Variants in PRDM2 observed in about 807,000 individuals in gnomAD.
The protein encoded by PRDM2 is PR/SET domain 2, also known as PR domain zinc finger protein 2.
In PRDM2, 30 loss-of-function variants were observed where a neutral mutation model predicts 130.0. The observed-to-expected ratio is 0.23, with a 90% CI of 0.17 to 0.31. The LOEUF is 0.31. PRDM2 is among the 10% of genes least tolerant of loss of function. The pLI is 1.00. For synonymous variants in PRDM2, 871 were observed against 782.4 expected, an observed-to-expected ratio of 1.11 and a Z score of -1.89; for missense variants, 2,011 against 2,108.4, an observed-to-expected ratio of 0.95 and a Z score of 0.90.
intron 5 of PRDM2, among the ~76,000 whole-genome samples, chr1:13,743,073 A>G (rs1643494599): frequency 1.3e-5 from 2 of 152,084 alleles, no homozygotes; most frequent in South Asian, 4.1e-4. Flanking sequence ...CAAAGGCCAT[A>G]TCTCCCTCAT....
intron 6 of PRDM2, chr1:13,772,136 A>C (rs911282608): frequency 1.3e-5 from 2 of 152,200 alleles, no homozygotes; most frequent in African/African-American, 2.4e-5. Flanking sequence ...GCGGAGAAAA[A>C]GGAGGATTGT....
intron 2 of PRDM2, among the ~76,000 whole-genome samples, chr1:13,721,600 AT>A (rs1454792141): frequency 6.6e-6 from 1 of 152,184 alleles, no homozygotes; most frequent in African/African-American, 2.4e-5. Flanking sequence ...TACTAGATAA[AT>A]TAGCAAATTT....
At chr1:13,735,326 G>A (rs1643234250) in intron 4 of PRDM2, among the ~76,000 whole-genome samples, 1 of 152,200 alleles carries the variant, frequency 6.6e-6, no homozygotes, top group Admixed American at 6.5e-5. Context: ...ATGAGTTTCT[G>A]GCAGGGAGCC....
chr1:13,747,608 G>T (rs571805773), intron 5 of PRDM2, among the ~76,000 whole-genome samples: 1 of 152,060 alleles, frequency 6.6e-6, no homozygotes, highest in Admixed American at 6.5e-5. Context: ...TTAATTTAAA[G>T]AATTTAGAAT....
chr1:13,790,482 C>T (rs568237710), intron 8 of PRDM2, among the ~76,000 whole-genome samples: 3 of 152,230 alleles, frequency 2.0e-5, no homozygotes, highest in East Asian at 1.9e-4. Context: ...TGTAGTTTCT[C>T]TCTGGCTTAT....
At position 13,732,880 on chromosome 1, in the gene PRDM2, G is replaced by A; in HGVS notation, c.229G>A (p.Glu77Lys). 1 of 1,534,594 alleles carries A rather than the reference G, an allele frequency of 6.5e-7. No homozygotes were observed. The highest frequency in any genetic ancestry group is 8.9e-7 in the Non-Finnish European group (1 of 1,122,252). ...GGTTAAGAATAATGTATACATGTGG[G>A]AGGTAAGAAGTAATTCTGATTCTTT... ...SQVKNNVYMWEVYYPNLGWMC... is the reference protein window; with the variant it reads ...SQVKNNVYMWKVYYPNLGWMC... Residue 77 changes from glutamate to lysine, a missense_variant and splice_region_variant, in exon 4 of 10, where the codon GAG becomes AAG. By Grantham distance (56) the Glu-to-Lys change is moderately conservative. Coordinates refer to ENST00000311066, the MANE Select transcript of PRDM2 (RefSeq NM_001393986.1).
intron 1 of PRDM2, among the ~76,000 whole-genome samples, chr1:13,701,174 C>G (rs1165700113): frequency 2.6e-5 from 4 of 152,166 alleles, no homozygotes; most frequent in Admixed American, 6.5e-5. Flanking sequence ...GTGCTGGCCC[C>G]TCACTTTTCT....
intron 6 of PRDM2, among the ~76,000 whole-genome samples, chr1:13,761,591 T>A (rs535388585): frequency 2.6e-5 from 4 of 152,040 alleles, no homozygotes; most frequent in African/African-American, 9.6e-5. Context: ...AACACAGGAG[T>A]CCCTGACCCC....
intron 9 of PRDM2, among the ~76,000 whole-genome samples, chr1:13,817,176 T>C (rs1181786149): frequency 1.3e-5 from 2 of 152,178 alleles, no homozygotes; most frequent in Admixed American, 6.5e-5. Context: ...GAAATGCTCA[T>C]TGGAGCGTTT....
rs187062046 is a variant in PRDM2, at chr1:13,823,851, C to A, written c.*716C>A. ...GCACCTGGGAGAAAGACTTTGTCCC[C>A]ACTTACAGATCTATCTCCTCCCTTG... On this transcript the variant is annotated 3_prime_UTR_variant, in exon 10 of 10. Coordinates refer to ENST00000311066, the MANE Select transcript of PRDM2 (RefSeq NM_001393986.1). 1 of 152,306 alleles carries A rather than the reference C, an allele frequency of 6.6e-6. No homozygotes were observed. Among genetic ancestry groups the A allele is most frequent in the African/African-American group, 2.4e-5 (1 of 41,412 alleles). 9.4% of individuals were successfully genotyped at this position (152,306 alleles called of 1,614,324 possible). A position where few individuals can be genotyped will look rare whatever the true frequency, so the allele number is the denominator to read the frequency against.
chr1:13,727,003 C>T (rs974623502), intron 2 of PRDM2, among the ~76,000 whole-genome samples: 9 of 152,064 alleles, frequency 5.9e-5, no homozygotes, highest in Non-Finnish European at 1.3e-4. Context: ...GGTAGACAAG[C>T]GAATGGCGAT....
At position 13,780,571 on chromosome 1, in the gene PRDM2, G is replaced by T. The variant is rs754733343; in HGVS notation, c.2776G>T (p.Asp926Tyr). Residue 926 changes from aspartate to tyrosine, a missense_variant, in exon 8 of 10, where the codon GAC becomes TAC. This residue lies in a region of PRDM2 where 1,288 missense variants were observed against 1,237.7 expected (regional missense o/e 1.04). Coordinates refer to ENST00000311066, the MANE Select transcript of PRDM2 (RefSeq NM_001393986.1). ...ATCCCTAGAAGCTCAGCCAGATCCTGACCTCGGTCCGGGCTCTGGTTTCCC... is the reference window on the plus strand; with the variant it reads ...ATCCCTAGAAGCTCAGCCAGATCCTTACCTCGGTCCGGGCTCTGGTTTCCC... ...CKSLEAQPDP[D>Y]LGPGSGFPAP... is the part of the protein sequence containing the mutation. 44 of 1,614,014 alleles carry T rather than the reference G, an allele frequency of 2.7e-5. No individual in the cohort carries two copies. The highest frequency in any genetic ancestry group is 3.7e-5 in the Non-Finnish European group (44 of 1,180,040).
chr1:13,782,922 T>TG (rs1644651024), intron 8 of PRDM2, 91 bp downstream of exon 8: 19 of 1,577,932 alleles, frequency 1.2e-5, no homozygotes, highest in Non-Finnish European at 1.6e-5. Context: ...GCTTTTTTTT[T>TG]TTTTTTTCCC....
rs573340184 is a variant in PRDM2, at chr1:13,700,235, G to C, written c.-131G>C. Reference sequence around the variant, plus strand: ...GCGGCGGCGCGGCCGCGGGCGCCGGGGCCGGCGAAACAGCGGCGGCGGCGG... The same window carrying C: ...GCGGCGGCGCGGCCGCGGGCGCCGGCGCCGGCGAAACAGCGGCGGCGGCGG... On this transcript the variant is annotated 5_prime_UTR_variant, in exon 1 of 10. Coordinates refer to ENST00000311066, the MANE Select transcript of PRDM2 (RefSeq NM_001393986.1). The C allele has an allele frequency of 6.6e-6, 1 of 152,480 alleles. No homozygotes were observed. Among genetic ancestry groups the C allele is most frequent in the African/African-American group, 2.4e-5 (1 of 41,270 alleles). The allele number at this position is 152,480 out of a possible 1,614,324, so 9.4% of individuals were successfully genotyped here.
chr1:13,779,846 G>A lies in PRDM2; in HGVS notation c.2051G>A (p.Ser684Asn). Residue 684 changes from serine (S) to asparagine (N), a missense_variant, in exon 8 of 10, where the codon AGT becomes AAT. Ser to Asn is a conservative substitution (Grantham distance 46). This residue lies in a region of PRDM2 where 1,288 missense variants were observed against 1,237.7 expected (regional missense o/e 1.04). Transcript: ENST00000311066. This position sits in a 1 kb window ranked among gnomAD's most constrained non-coding sequence, Gnocchi z 4.9. ...GCAGTGTCTTTCCACAAAGAGAAAA[G>A]TGTTTATTTGTCATCAAAGCTCAAA... Reference protein sequence around the residue: ...TEAVSFHKEKSVYLSSKLKQL... With the variant: ...TEAVSFHKEKNVYLSSKLKQL... The A allele has an allele frequency of 1.2e-6, 2 of 1,614,164 alleles. No homozygotes were observed. Among genetic ancestry groups the A allele is most frequent in the South Asian group, 2.2e-5 (2 of 91,086 alleles).
intron 8 of PRDM2, among the ~76,000 whole-genome samples, chr1:13,812,301 C>T (rs532393112): frequency 6.4e-4 from 93 of 144,294 alleles, no homozygotes; most frequent in African/African-American, 2.1e-3. Flanking sequence ...TTAAGGGACC[C>T]GGAGATGGAT....
Position 13,780,584 on chromosome 1 carries a change from G to T in PRDM2, c.2789G>T (p.Gly930Val), listed in dbSNP as rs770203174. 5.6e-6 allele frequency: 9 copies of T among 1,613,936 alleles called. No individual in the cohort carries two copies. The highest frequency in any genetic ancestry group is 7.6e-6 in the Non-Finnish European group (9 of 1,180,020). The change falls in exon 8 of 10, where the codon GGC (glycine) becomes GTC (valine). Residue 930 changes from glycine to valine, a missense_variant. Physicochemically the swap from Gly to Val is moderately radical, Grantham distance 109. Coordinates refer to ENST00000311066, the MANE Select transcript of PRDM2 (RefSeq NM_001393986.1). ...EAQPDPDLGP[G>V]SGFPAPTVES... is the part of the protein sequence containing the mutation. ...CAGCCAGATCCTGACCTCGGTCCGG[G>T]CTCTGGTTTCCCTGCCCCTACTGTT...
intron 4 of PRDM2, among the ~76,000 whole-genome samples, chr1:13,738,366 A>G (rs1408692445): frequency 6.6e-6 from 1 of 152,236 alleles, no homozygotes; most frequent in Non-Finnish European, 1.5e-5. Context: ...TGTGGTTCAT[A>G]GATAGAATTT....
At chr1:13,786,078 TC>T in intron 8 of PRDM2, among the ~76,000 whole-genome samples, 1 of 152,108 alleles carries the variant, frequency 6.6e-6, no homozygotes, top group Middle Eastern at 3.4e-3. Flanking sequence ...GACCTTATGA[TC>T]CGCCCGTCTC....
Sources: allele counts gnomAD v4.1 joint callset (sites outside exome capture counted in the v4.1 genomes callset), GRCh38; gene constraint gnomAD v4.1.1; regional missense constraint gnomAD v4.1.1; non-coding constraint Gnocchi (gnomAD v3.1); transcripts MANE v1.5; gene names NCBI Gene and HGNC (gene_info 2026-07-23, HGNC 2026-07-21).